UTRN: variants seen among roughly 807,000 people sequenced by gnomAD.
UTRN encodes the protein utrophin, also known as dystrophin-related protein 1.
In UTRN, 283 loss-of-function variants were observed where a neutral mutation model predicts 463.9. The ratio of observed to expected loss-of-function variants is 0.61; its 90% CI spans 0.55 to 0.67. The LOEUF is 0.67. UTRN is among the 30% of genes least tolerant of loss of function. The pLI, the probability that UTRN is intolerant of heterozygous loss-of-function variation, is 0.00. For missense variants in UTRN, 3,922 were observed against 4,084.3 expected (o/e 0.96, Z 1.08); for synonymous variants, 1,442 against 1,431.5 (o/e 1.01, Z -0.17).
At chr6:144,377,848 T>C (rs1257834962) in intron 2 of UTRN, among the ~76,000 whole-genome samples, 1 of 152,214 alleles carries the variant, frequency 6.6e-6, no homozygotes, top group African/African-American at 2.4e-5. Context: ...CTCTGATTTC[T>C]TCACCAAAAA....
At chr6:144,321,584 C>T (rs1205398767) in intron 2 of UTRN, among the ~76,000 whole-genome samples, 2 of 151,370 alleles carry the variant, frequency 1.3e-5, no homozygotes, top group African/African-American at 4.9e-5. Context: ...ATTCTCCTGC[C>T]TCAGCCTCCT....
At chr6:144,438,505 A>G (rs576579281) in intron 11 of UTRN, among the ~76,000 whole-genome samples, 2 of 152,340 alleles carry the variant, frequency 1.3e-5, no homozygotes, top group East Asian at 1.9e-4. Context: ...TGAAGAAACA[A>G]TGATTCTGAT....
At chr6:144,598,715 T>G (rs946697620) in intron 51 of UTRN, among the ~76,000 whole-genome samples, 1 of 152,178 alleles carries the variant, frequency 6.6e-6, no homozygotes, top group Non-Finnish European at 1.5e-5. Flanking sequence ...AGAGAGTCTG[T>G]TTTGTCAATC....
chr6:144,678,268 A>G (rs1781850708), intron 51 of UTRN, 138 bp from the exon 52 acceptor site: 2 of 802,180 alleles, frequency 2.5e-6, no homozygotes, highest in Non-Finnish European at 1.8e-6. Context: ...TTTCAGAATA[A>G]TAAGAATTTT....
At chr6:144,745,034 A>C (rs1790556579) in intron 54 of UTRN, among the ~76,000 whole-genome samples, 1 of 152,130 alleles carries the variant, frequency 6.6e-6, no homozygotes, top group Non-Finnish European at 1.5e-5. Context: ...CAGGGAAATC[A>C]CTACCTTTTG....
chr6:144,642,719 T>C (rs1242522473), intron 51 of UTRN, among the ~76,000 whole-genome samples: 4 of 152,174 alleles, frequency 2.6e-5, no homozygotes, highest in Admixed American at 2.6e-4. Context: ...AGATTTTTTT[T>C]CCCCAGTAGG....
intron 51 of UTRN, among the ~76,000 whole-genome samples, chr6:144,643,254 C>A (rs1282800926): frequency 6.6e-6 from 1 of 151,938 alleles, no homozygotes; most frequent in Non-Finnish European, 1.5e-5. Context: ...GAGAAAGAGT[C>A]ATGGAAGTTG....
chr6:144,557,005 T>C, intron 49 of UTRN, 152 bp from the exon 50 acceptor site: 1 of 916,586 alleles, frequency 1.1e-6, no homozygotes, highest in Non-Finnish European at 1.5e-6. Context: ...GGTTTAAGCT[T>C]ACATATAACA....
intron 50 of UTRN, among the ~76,000 whole-genome samples, chr6:144,569,044 CAT>C (rs969442595): frequency 1.3e-5 from 2 of 151,952 alleles, no homozygotes; most frequent in Non-Finnish European, 2.9e-5. Context: ...TATGATAAAT[CAT>C]GTGGAGTTCC....
intron 34 of UTRN, among the ~76,000 whole-genome samples, chr6:144,506,469 ATC>A (rs1340377142): frequency 6.6e-6 from 1 of 152,138 alleles, no homozygotes; most frequent in Non-Finnish European, 1.5e-5. Flanking sequence ...GTGACAGAAT[ATC>A]TCAGCATTTG....
At chr6:144,598,819 A>G (rs903405594) in intron 51 of UTRN, among the ~76,000 whole-genome samples, 3 of 152,174 alleles carry the variant, frequency 2.0e-5, no homozygotes, top group Admixed American at 6.5e-5. Context: ...ACCCATTCCC[A>G]TCACGGCCTG....
intron 45 of UTRN, among the ~76,000 whole-genome samples, chr6:144,540,933 G>A (rs530822707): frequency 1.1e-3 from 172 of 152,222 alleles, no homozygotes; most frequent in Non-Finnish European, 1.2e-3. Context: ...CAATTCTTTC[G>A]ACTTTTCTTA....
In UTRN at chr6:144,539,354, T is replaced by C; in HGVS notation, c.6430T>C (p.Leu2144=). 1 of 1,613,432 alleles carries C rather than the reference T, an allele frequency of 6.2e-7. No homozygotes were observed. The highest frequency in any genetic ancestry group is 8.5e-7 in the Non-Finnish European group (1 of 1,179,700). Residue 2144 remains leucine, a synonymous_variant, in exon 45 of 75, where the codon TTG becomes CTG. Transcript: ENST00000367545. ...EKLKWLNRTE[L]EMLSDKSLSL... ...ACTCAAATGGCTGAATAGAACTGAATTGGAGATGCTTTCAGATAAAAGTCT... is the reference window on the plus strand; with the variant it reads ...ACTCAAATGGCTGAATAGAACTGAACTGGAGATGCTTTCAGATAAAAGTCT...
intron 65 of UTRN, among the ~76,000 whole-genome samples, chr6:144,808,728 CT>C (rs11368498): frequency 5.4e-5 from 8 of 148,990 alleles, no homozygotes; most frequent in Non-Finnish European, 4.5e-5. Context: ...ATGAGCTTGA[CT>C]TTTTTTTTTA....
chr6:144,338,175 A>C (rs1301353162), intron 2 of UTRN, among the ~76,000 whole-genome samples: 1 of 152,124 alleles, frequency 6.6e-6, no homozygotes. Context: ...TGCTTTTTAT[A>C]ATTTTTTGAA....
Position 144,447,778 on chromosome 6 carries a change from C to A in UTRN, c.1899C>A (p.Asn633Lys). The A allele has an allele frequency of 6.2e-7, 1 of 1,606,504 alleles. No individual in the cohort carries two copies. Among genetic ancestry groups the A allele is most frequent in the South Asian group, 1.1e-5 (1 of 89,486 alleles). Residue 633 changes from asparagine to lysine, a missense_variant, in exon 16 of 75, where the codon AAC (asparagine) becomes AAA (lysine). Coordinates refer to ENST00000367545, the MANE Select transcript of UTRN (RefSeq NM_007124.3). ...TTCAGAGACTAGAAGATTCCTCCAA[C>A]CAGGTACTTTTTGATTTGGATCATA... ...SLVQRLEDSS[N>K]QVTQAVAKLG... is the part of the protein sequence containing the mutation.
Position 144,337,194 on chromosome 6 carries a change from CCA to C in UTRN, c.79+45312_79+45313del, listed in dbSNP as rs772582196. Among the ~76,000 whole-genome samples the C allele has an allele frequency of 7.0e-3, 888 of 126,238 alleles. 5 individuals carry two copies. The highest frequency in any genetic ancestry group is 0.011 in the South Asian group (50 of 4,398). 82.8% of individuals were successfully genotyped at this position (126,238 alleles called of 152,430 possible). On this transcript the variant is annotated intron_variant, in intron 2 of 74. Transcript: ENST00000367545. ...ACACACACAGACACACACACACACA[CCA>C]CACACACACACACACACACACACAT...
intron 58 of UTRN, among the ~76,000 whole-genome samples, chr6:144,764,876 TAAAG>T (rs1793106047): frequency 6.6e-6 from 1 of 152,152 alleles, no homozygotes; most frequent in African/African-American, 2.4e-5. Flanking sequence ...AAAGCAAACT[TAAAG>T]GATACAATGA....
chr6:144,300,015 A>C (rs564881743), intron 2 of UTRN, among the ~76,000 whole-genome samples: 1 of 152,310 alleles, frequency 6.6e-6, no homozygotes, highest in African/African-American at 2.4e-5. Context: ...AGATGAATTA[A>C]AGAGTTAAGT....
Sources: gnomAD v4.1 joint callset for allele counts (sites outside exome capture counted in the v4.1 genomes callset) on GRCh38, gnomAD v4.1.1 for gene constraint, MANE v1.5 for transcripts, NCBI Gene and HGNC (gene_info 2026-07-23, HGNC 2026-07-21) for gene names.